Variants in FAT4 observed in about 807,000 individuals in gnomAD.
The protein encoded by FAT4 is FAT atypical cadherin 4.
Under a neutral mutation model 303.9 loss-of-function variants are expected in FAT4, and 84 were observed. That is an observed-to-expected ratio of 0.28 (90% CI 0.23 to 0.33). The LOEUF (loss-of-function observed/expected upper bound fraction) is 0.33. Among genes scored for constraint, FAT4 ranks in the 10% least tolerant of loss-of-function variants. The pLI is 1.00. For synonymous variants in FAT4, 2,307 were observed against 2,298.8 expected (o/e 1.00, Z -0.10); for missense variants, 6,005 against 6,146.8 (o/e 0.98, Z 0.77).
chr4:125,478,810 G>T (rs1727123186), intron 14 of FAT4, among the ~76,000 whole-genome samples: 1 of 152,232 alleles, frequency 6.6e-6, no homozygotes, highest in Non-Finnish European at 1.5e-5. Flanking sequence ...TTATAGAGGA[G>T]AGCCACTGCA....
intron 7 of FAT4, among the ~76,000 whole-genome samples, chr4:125,430,260 C>T (rs956154932): frequency 3.9e-5 from 6 of 151,958 alleles, no homozygotes; most frequent in Non-Finnish European, 8.8e-5. Flanking sequence ...GATCTGTGGT[C>T]GCCAAGGACT....
intron 5 of FAT4, among the ~76,000 whole-genome samples, chr4:125,409,211 G>A (rs972329809): frequency 1.6e-4 from 24 of 151,366 alleles, no homozygotes; most frequent in South Asian, 2.1e-4. Context: ...AAATACTTAC[G>A]AATGCAAAAA....
rs1735003249 is a variant in FAT4, at chr4:125,415,330, A to G, written c.6367A>G (p.Thr2123Ala). ...DREEVSNYTLTVVATDKGQPS... is the reference protein window; with the variant it reads ...DREEVSNYTLAVVATDKGQPS... ...AGAAGAAGTTTCTAATTATACTCTA[A>G]CAGTGGTGGCTACAGACAAAGGTCA... is the stretch of plus-strand genomic sequence containing the variant. Residue 2123 changes from threonine (T) to alanine (A), a missense_variant, in exon 6 of 18, where the codon ACA (threonine) becomes GCA (alanine). Coordinates refer to ENST00000394329, the MANE Select transcript of FAT4 (RefSeq NM_001291303.3). The G allele has an allele frequency of 6.2e-7, 1 of 1,614,032 alleles. No individual in the cohort carries two copies. The highest frequency in any genetic ancestry group is 8.5e-7 in the Non-Finnish European group (1 of 1,179,974).
intron 7 of FAT4, among the ~76,000 whole-genome samples, chr4:125,422,968 C>A (rs750609797): frequency 6.6e-6 from 1 of 152,060 alleles, no homozygotes; most frequent in Non-Finnish European, 1.5e-5. Flanking sequence ...TCTTGCTATG[C>A]AAAGAGACTG....
chr4:125,335,836 C>T (rs1470443636), intron 2 of FAT4, among the ~76,000 whole-genome samples: 2 of 151,960 alleles, frequency 1.3e-5, no homozygotes, highest in Non-Finnish European at 2.9e-5. Flanking sequence ...TTCTCTGAAC[C>T]ACAGTACCTT....
At chr4:125,412,785 T>A (rs765819649) in intron 5 of FAT4, among the ~76,000 whole-genome samples, 1 of 151,920 alleles carries the variant, frequency 6.6e-6, no homozygotes, top group Non-Finnish European at 1.5e-5. Context: ...TGTATTTTGA[T>A]CTTAGATATG....
chr4:125,377,374 C>T (rs1733373429), intron 2 of FAT4, among the ~76,000 whole-genome samples: 1 of 151,944 alleles, frequency 6.6e-6, no homozygotes, highest in South Asian at 2.1e-4. Context: ...TGGGGATACT[C>T]ATCTTCATGT....
intron 2 of FAT4, among the ~76,000 whole-genome samples, chr4:125,377,134 A>G (rs1219549854): frequency 6.6e-6 from 1 of 152,250 alleles, no homozygotes; most frequent in Non-Finnish European, 1.5e-5. Flanking sequence ...CACAGATGTC[A>G]TAGACCTTTT....
At chr4:125,393,406 A>T (rs1359534092) in intron 2 of FAT4, among the ~76,000 whole-genome samples, 1 of 152,134 alleles carries the variant, frequency 6.6e-6, no homozygotes. Flanking sequence ...CATAATATCA[A>T]TTTAAATTGG....
At position 125,448,741 on chromosome 4, in the gene FAT4, G is replaced by A; in HGVS notation, c.7731G>A (p.Met2577Ile). ...PKVRAKEQTF[M>I]FPENQPVSSL... Reference sequence around the variant, plus strand: ...TGAGAGCCAAAGAACAAACGTTCATGTTTCCTGAAAACCAACCAGTCAGCT... The same window carrying A: ...TGAGAGCCAAAGAACAAACGTTCATATTTCCTGAAAACCAACCAGTCAGCT... The change falls in exon 10 of 18, where the codon ATG becomes ATA. Residue 2577 changes from methionine to isoleucine, a missense_variant. Transcript: ENST00000394329. 1 of 1,613,402 alleles carries A rather than the reference G, an allele frequency of 6.2e-7. No individual in the cohort carries two copies. Among genetic ancestry groups the A allele is most frequent in the Non-Finnish European group, 8.5e-7 (1 of 1,179,904 alleles).
chr4:125,396,949 T>C (rs1474809618), intron 2 of FAT4, among the ~76,000 whole-genome samples: 2 of 108,446 alleles, frequency 1.8e-5, no homozygotes, highest in African/African-American at 6.3e-5. Context: ...TATATATATA[T>C]ATATATATAT....
In FAT4 at chr4:125,424,069, G is replaced by A. The variant is rs1725000298; in HGVS notation, c.7018+7447G>A. Among the ~76,000 whole-genome samples, 3 of 152,180 alleles carry A rather than the reference G, an allele frequency of 2.0e-5. No individual in the cohort carries two copies. The South Asian group carries it at 6.2e-4, about 32-fold the overall frequency. On this transcript the variant is annotated intron_variant, in intron 7 of 17. Transcript: ENST00000394329. ...TAAGACTTTGGACTTGGACTTTTGA[G>A]TTAATGCTGAAATAAGTTAAGACTT... is the stretch of plus-strand genomic sequence containing the variant.
chr4:125,409,310 G>A (rs942548877), intron 5 of FAT4, among the ~76,000 whole-genome samples: 4 of 151,196 alleles, frequency 2.6e-5, no homozygotes, highest in Non-Finnish European at 5.9e-5. Flanking sequence ...AGGCTGGAGT[G>A]CAATGATGCA....
intron 7 of FAT4, among the ~76,000 whole-genome samples, chr4:125,430,519 C>CT (rs1018543524): frequency 1.9e-4 from 29 of 151,962 alleles, no homozygotes; most frequent in African/African-American, 5.8e-4. Flanking sequence ...CAGTAAAAGG[C>CT]TTAGAAATGT....
Position 125,452,356 on chromosome 4 carries a change from C to G in FAT4, c.11346C>G (p.Ala3782=). 1 of 1,614,208 alleles carries G rather than the reference C, an allele frequency of 6.2e-7. No homozygotes were observed. Among genetic ancestry groups the G allele is most frequent in the South Asian group, 1.1e-5 (1 of 91,088 alleles). Residue 3782 remains alanine, a synonymous_variant, in exon 10 of 18, where the codon GCC becomes GCG. Transcript: ENST00000394329. The stretch of plus-strand genomic sequence containing the variant: ...AGTATGTGAATCCCAGTGGCGTAGC[C>G]ACCTTCTTTGAAAGCATCAAAGAGA... The part of the protein sequence containing the change: ...HNQYVNPSGV[A]TFFESIKEIL...
chr4:125,360,309 C>T (rs954832638), intron 2 of FAT4, among the ~76,000 whole-genome samples: 20 of 152,142 alleles, frequency 1.3e-4, no homozygotes, highest in African/African-American at 4.8e-4. Flanking sequence ...TTACTGACTT[C>T]GTGACCTTAC....
chr4:125,424,246 G>T (rs1416562359), intron 7 of FAT4, among the ~76,000 whole-genome samples: 2 of 152,068 alleles, frequency 1.3e-5, no homozygotes, highest in Admixed American at 1.3e-4. Context: ...GTCCTGAGAG[G>T]GACCTAGTGG....
At chr4:125,468,467 T>A (rs1726743466) in intron 11 of FAT4, 45 bp from the exon 12 acceptor site, 1 of 1,331,126 alleles carries the variant, frequency 7.5e-7, no homozygotes, top group African/African-American at 1.5e-5. Context: ...TATAATAAAA[T>A]TTTCATGAAA....
At chr4:125,435,211 A>G (rs1725411566) in intron 8 of FAT4, among the ~76,000 whole-genome samples, 1 of 152,230 alleles carries the variant, frequency 6.6e-6, no homozygotes, top group South Asian at 2.1e-4. Flanking sequence ...AGGATGTGAA[A>G]GAAATTTGAG....
Sources: gnomAD v4.1 joint callset for allele counts (sites outside exome capture counted in the v4.1 genomes callset) on GRCh38, gnomAD v4.1.1 for gene constraint, MANE v1.5 for transcripts, NCBI Gene and HGNC (gene_info 2026-07-23, HGNC 2026-07-21) for gene names.